MS4A13: variants seen among roughly 807,000 people sequenced by gnomAD.
MS4A13 encodes membrane-spanning 4-domains subfamily A member 13.
MS4A13 carries 21 observed loss-of-function variants against 18.4 expected under a neutral mutation model. The observed-to-expected ratio is 1.14, with a 90% CI of 0.81 to 1.64. MS4A13 has a LOEUF of 1.64. Among genes scored for constraint, MS4A13 ranks in the 40% most tolerant of loss-of-function variants. The pLI is 0.00. For missense variants in MS4A13, 173 were observed against 176.8 expected (o/e 0.98, Z 0.12); for synonymous variants, 62 against 57.2 (o/e 1.08, Z -0.38).
chr11:60,542,087 G>A (rs777034348), intron 6 of MS4A13, among the ~76,000 whole-genome samples: 1 of 145,536 alleles, frequency 6.9e-6, no homozygotes, highest in Non-Finnish European at 1.5e-5. Context: ...CAGCCTGGGC[G>A]ACATGACCTT....
At chr11:60,516,225 C>T (rs1417590528) in intron 2 of MS4A13, 141 bp downstream of exon 2, 1 of 150,674 alleles carries the variant, frequency 6.6e-6, no homozygotes, top group Admixed American at 6.6e-5. Flanking sequence ...TGATTGTCTT[C>T]TACAAATTTT....
In MS4A13 at chr11:60,515,444, C is replaced by T. The variant is rs2086630539; in HGVS notation, c.-292C>T. Reference sequence around the variant, plus strand: ...GCCGGGTGCTGGGCTCCTGGCTATCCCTGTGATGGTAGCTCAGCGAGATCT... The same window carrying T: ...GCCGGGTGCTGGGCTCCTGGCTATCTCTGTGATGGTAGCTCAGCGAGATCT... On this transcript the variant is annotated 5_prime_UTR_variant, in exon 1 of 7. Coordinates refer to ENST00000378186, the MANE Select transcript of MS4A13 (RefSeq NM_001012417.3). 1 of 152,328 alleles carries T rather than the reference C, an allele frequency of 6.6e-6. No homozygotes were observed. Among genetic ancestry groups the T allele is most frequent in the South Asian group, 2.1e-4 (1 of 4,832 alleles). 9.4% of individuals were successfully genotyped at this position (152,328 alleles called of 1,614,324 possible). A position where few individuals can be genotyped will look rare whatever the true frequency, so the allele number is the denominator to read the frequency against.
At chr11:60,518,613 A>T (rs181145187) in intron 3 of MS4A13, among the ~76,000 whole-genome samples, 1 of 152,344 alleles carries the variant, frequency 6.6e-6, no homozygotes, top group East Asian at 1.9e-4. Context: ...TGGTTTCTAG[A>T]TAGCCATTAG....
intron 6 of MS4A13, among the ~76,000 whole-genome samples, chr11:60,530,760 A>C (rs1411495487): frequency 6.6e-6 from 1 of 152,180 alleles, no homozygotes; most frequent in East Asian, 1.9e-4. Flanking sequence ...GTTTTGAGGG[A>C]GGAACCTGAT....
chr11:60,522,219 G>T lies in MS4A13; in HGVS notation c.130-1678G>T, dbSNP rs1341460371. On this transcript the variant is annotated intron_variant, in intron 3 of 6. Transcript: ENST00000378186. Reference sequence around the variant, plus strand: ...AGACAGATAGATAGATAGATAGATAGATAGATAGATAGATAGATAGATGTA... The same window carrying T: ...AGACAGATAGATAGATAGATAGATATATAGATAGATAGATAGATAGATGTA... Among the ~76,000 whole-genome samples the T allele has an allele frequency of 6.9e-4, 11 of 16,006 alleles. No homozygotes were observed. In the East Asian group the frequency reaches 0.021, roughly 31 times the overall value. 10.5% of individuals were successfully genotyped at this position (16,006 alleles called of 152,430 possible).
Position 60,518,297 on chromosome 11 carries a change from C to T in MS4A13, c.129+85C>T, listed in dbSNP as rs1189211450. 4.4e-6 allele frequency: 5 copies of T among 1,139,854 alleles called. No individual in the cohort carries two copies. In the African/African-American group the frequency reaches 7.9e-5, roughly 18 times the overall value. The allele number at this position is 1,139,854 out of a possible 1,614,324, so 70.6% of individuals were successfully genotyped here. On this transcript the variant is annotated intron_variant, in intron 3 of 6. Coordinates refer to ENST00000378186, the MANE Select transcript of MS4A13 (RefSeq NM_001012417.3). The stretch of plus-strand genomic sequence containing the variant: ...TAGAAGGTAGGGAACGGTTTCTGAA[C>T]AAGGTTTTCAGGAGAATTATGTAAC...
At position 60,525,167 on chromosome 11, in the gene MS4A13, A is replaced by C; in HGVS notation, c.187-40A>C. 2.7e-6 allele frequency: 4 copies of C among 1,464,344 alleles called. No individual in the cohort carries two copies. In the South Asian group the frequency reaches 3.5e-5, roughly 13 times the overall value. The allele number at this position is 1,464,344 out of a possible 1,614,324, so 90.7% of individuals were successfully genotyped here. ...TGCAAACTATTACACCAAAATGTTT[A>C]TTCTGAATATAATAAATTTGCCCTC... On this transcript the variant is annotated intron_variant, in intron 4 of 6. Transcript: ENST00000378186.
intron 6 of MS4A13, among the ~76,000 whole-genome samples, chr11:60,541,106 A>G (rs1397308971): frequency 2.6e-5 from 4 of 152,242 alleles, no homozygotes; most frequent in Admixed American, 2.6e-4. Context: ...TGAATTTCAA[A>G]CTATTGACAA....
chr11:60,528,506 A>C (rs1285463072), intron 5 of MS4A13, among the ~76,000 whole-genome samples: 1 of 152,188 alleles, frequency 6.6e-6, no homozygotes, highest in Non-Finnish European at 1.5e-5. Context: ...AACTCTAAGA[A>C]ATCAGGAAGT....
chr11:60,520,261 CT>C (rs1305245168), intron 3 of MS4A13, among the ~76,000 whole-genome samples: 1 of 152,132 alleles, frequency 6.6e-6, no homozygotes. Flanking sequence ...TTTTCTGCCC[CT>C]GGCCCCTCCT....
At chr11:60,538,517 A>C (rs1168936043) in intron 6 of MS4A13, among the ~76,000 whole-genome samples, 1 of 152,022 alleles carries the variant, frequency 6.6e-6, no homozygotes, top group African/African-American at 2.4e-5. Context: ...TCAAAACATC[A>C]CATTGTACCC....
At chr11:60,525,638 C>T (rs1243485814) in intron 5 of MS4A13, among the ~76,000 whole-genome samples, 1 of 152,094 alleles carries the variant, frequency 6.6e-6, no homozygotes, top group African/African-American at 2.4e-5. Flanking sequence ...AAGTATAATC[C>T]TGGACAATAA....
chr11:60,532,109 G>A (rs1055441906), intron 6 of MS4A13, among the ~76,000 whole-genome samples: 1 of 152,236 alleles, frequency 6.6e-6, no homozygotes, highest in Non-Finnish European at 1.5e-5. Flanking sequence ...AGCAAGGGAA[G>A]AATAAATGTT....
intron 3 of MS4A13, among the ~76,000 whole-genome samples, chr11:60,519,824 C>T (rs2086661867): frequency 6.6e-6 from 1 of 152,180 alleles, no homozygotes; most frequent in African/African-American, 2.4e-5. Flanking sequence ...AAGAATTTAA[C>T]AGAGAGTTGA....
chr11:60,532,201 A>G (rs1036159082), intron 6 of MS4A13, among the ~76,000 whole-genome samples: 5 of 152,238 alleles, frequency 3.3e-5, no homozygotes, highest in African/African-American at 1.2e-4. Context: ...GCTCCGGTCT[A>G]CAGCTCCCAG....
intron 6 of MS4A13, among the ~76,000 whole-genome samples, chr11:60,532,365 T>A (rs10897083): frequency 6.6e-6 from 1 of 152,044 alleles, no homozygotes; most frequent in African/African-American, 2.4e-5. Context: ...CCTGGGAAGC[T>A]CAAGGGGTCA....
chr11:60,536,775 A>G (rs1342058480), intron 6 of MS4A13, among the ~76,000 whole-genome samples: 1 of 104,598 alleles, frequency 9.6e-6, no homozygotes, highest in Non-Finnish European at 1.8e-5. Context: ...ACTTCAAACT[A>G]TACTACAAGG....
At chr11:60,539,782 G>A (rs960886528) in intron 6 of MS4A13, among the ~76,000 whole-genome samples, 7 of 152,162 alleles carry the variant, frequency 4.6e-5, no homozygotes, top group South Asian at 2.1e-4. Context: ...CAAAACAATG[G>A]AGGCCTGAAG....
intron 3 of MS4A13, 45 bp from the exon 4 acceptor site, chr11:60,523,852 G>A: frequency 2.8e-6 from 3 of 1,072,454 alleles, no homozygotes; most frequent in Non-Finnish European, 4.3e-6. Context: ...TTCTAAATTG[G>A]CAAGCATTAT....
Sources: gnomAD v4.1 joint callset for allele counts (sites outside exome capture counted in the v4.1 genomes callset) on GRCh38, gnomAD v4.1.1 for gene constraint, MANE v1.5 for transcripts, NCBI Gene and HGNC (gene_info 2026-07-23, HGNC 2026-07-21) for gene names.